FSTL5: variants seen among roughly 807,000 people sequenced by gnomAD.
FSTL5 encodes the protein follistatin like 5, also known as follistatin-related protein 5.
A neutral mutation model predicts 89.1 loss-of-function variants in FSTL5; 62 were observed. The ratio of observed to expected loss-of-function variants is 0.70; its 90% CI spans 0.57 to 0.86. FSTL5 has a LOEUF of 0.86. Ranked by LOEUF, FSTL5 falls within the 40% of genes least tolerant of loss-of-function variation. The pLI is 0.00. For synonymous variants in FSTL5, 383 were observed against 346.2 expected (o/e 1.11, Z -1.18); for missense variants, 1,057 against 1,001.6 (o/e 1.06, Z -0.75).
At chr4:161,613,912 T>A (rs528477979) in intron 7 of FSTL5, among the ~76,000 whole-genome samples, 1 of 152,016 alleles carries the variant, frequency 6.6e-6, no homozygotes, top group Non-Finnish European at 1.5e-5. Flanking sequence ...ATAGTTTAAT[T>A]ATATACATCA....
At chr4:161,448,912 T>C (rs1015278297) in intron 15 of FSTL5, among the ~76,000 whole-genome samples, 1 of 152,108 alleles carries the variant, frequency 6.6e-6, no homozygotes, top group Admixed American at 6.6e-5. Context: ...TGATTTACCC[T>C]AGGGTATTCA....
intron 10 of FSTL5, among the ~76,000 whole-genome samples, chr4:161,534,427 C>T (rs1731524125): frequency 1.3e-5 from 2 of 152,002 alleles, no homozygotes; most frequent in Non-Finnish European, 2.9e-5. Flanking sequence ...TTCTATATAC[C>T]AATTCCATTG....
intron 13 of FSTL5, among the ~76,000 whole-genome samples, chr4:161,465,114 C>G (rs1252797835): frequency 6.6e-6 from 1 of 152,106 alleles, no homozygotes. Context: ...TGTTACCTGA[C>G]CATCCAATAT....
intron 3 of FSTL5, among the ~76,000 whole-genome samples, chr4:162,031,318 G>T (rs1456750082): frequency 6.6e-6 from 1 of 152,096 alleles, no homozygotes; most frequent in East Asian, 1.9e-4. Flanking sequence ...GAACTTCAAA[G>T]AATTACTAGC....
At chr4:161,740,905 T>C (rs925159683) in intron 6 of FSTL5, among the ~76,000 whole-genome samples, 9 of 152,302 alleles carry the variant, frequency 5.9e-5, no homozygotes, top group African/African-American at 2.2e-4. Flanking sequence ...ATTCAGCATC[T>C]GGTGAGGGCC....
At chr4:162,040,460 T>C (rs1737907867) in intron 2 of FSTL5, among the ~76,000 whole-genome samples, 1 of 151,844 alleles carries the variant, frequency 6.6e-6, no homozygotes, top group Admixed American at 6.6e-5. Flanking sequence ...ACATATAGGT[T>C]CACACACACG....
rs536878434 is a variant in FSTL5, at chr4:161,408,793, T to C, written c.1842-22344A>G. Among the ~76,000 whole-genome samples, 191 of 152,274 alleles carry C rather than the reference T, an allele frequency of 1.3e-3. 1 individual carries two copies. Among genetic ancestry groups the C allele is most frequent in the African/African-American group, 4.5e-3 (188 of 41,568 alleles). On this transcript the variant is annotated intron_variant, in intron 15 of 15. Coordinates refer to ENST00000306100, the MANE Select transcript of FSTL5 (RefSeq NM_020116.5). ...GAATTGTATAATACAATCAGAAGTA[T>C]TAGCAGCGGAAGTTGAGGAAAGAAT...
intron 4 of FSTL5, among the ~76,000 whole-genome samples, chr4:161,891,255 G>A (rs1293358574): frequency 1.3e-5 from 2 of 151,870 alleles, no homozygotes; most frequent in African/African-American, 4.8e-5. Flanking sequence ...TCATTTCTGA[G>A]GAAATTTGCT....
chr4:161,946,986 C>T (rs1734753644), intron 3 of FSTL5, among the ~76,000 whole-genome samples: 1 of 152,018 alleles, frequency 6.6e-6, no homozygotes, highest in South Asian at 2.1e-4. Context: ...ATATTGAATA[C>T]CTTTAATGTA....
At chr4:161,660,284 A>G (rs933857989) in intron 6 of FSTL5, among the ~76,000 whole-genome samples, 1 of 152,182 alleles carries the variant, frequency 6.6e-6, no homozygotes, top group African/African-American at 2.4e-5. Context: ...TGGCTTAGAG[A>G]AAAACTAAGA....
intron 2 of FSTL5, among the ~76,000 whole-genome samples, chr4:162,054,962 TAGTC>T (rs1171159450): frequency 6.6e-6 from 1 of 151,920 alleles, no homozygotes; most frequent in Non-Finnish European, 1.5e-5. Context: ...TTAACACAGG[TAGTC>T]ACCAACTCAA....
chr4:162,052,025 T>C (rs1477034336), intron 2 of FSTL5, among the ~76,000 whole-genome samples: 2 of 151,406 alleles, frequency 1.3e-5, no homozygotes, highest in Non-Finnish European at 3.0e-5. Context: ...ATTAATAAAA[T>C]CTCATAGCCA....
chr4:162,119,131 G>A (rs1731760024), intron 1 of FSTL5, among the ~76,000 whole-genome samples: 1 of 151,940 alleles, frequency 6.6e-6, no homozygotes, highest in Admixed American at 6.6e-5. Flanking sequence ...GGAGACTTAG[G>A]TGGGTGGATT....
chr4:161,636,732 A>C (rs1380157762), intron 7 of FSTL5, among the ~76,000 whole-genome samples: 3 of 148,076 alleles, frequency 2.0e-5, no homozygotes, highest in Admixed American at 6.8e-5. Flanking sequence ...TTGTTCCTGC[A>C]ATAGTTTACT....
intron 6 of FSTL5, among the ~76,000 whole-genome samples, chr4:161,677,389 T>C (rs1348254326): frequency 3.3e-5 from 5 of 152,000 alleles, no homozygotes; most frequent in Non-Finnish European, 1.5e-5. Flanking sequence ...GAAAAATGCA[T>C]AATCTAAGAT....
chr4:161,680,816 A>T (rs1737493948), intron 6 of FSTL5, among the ~76,000 whole-genome samples: 1 of 152,026 alleles, frequency 6.6e-6, no homozygotes, highest in Non-Finnish European at 1.5e-5. Flanking sequence ...AACACCCAAT[A>T]ACAGTAGCAT....
In FSTL5 at chr4:161,820,968, C is replaced by G. The variant is rs191540796; in HGVS notation, c.410-44894G>C. 5.8e-3 allele frequency among the ~76,000 whole-genome samples: 860 copies of G among 148,044 alleles called. 10 individuals are homozygous for G. Among genetic ancestry groups the G allele is most frequent in the African/African-American group, 0.02 (810 of 40,668 alleles). Reference sequence around the variant, plus strand: ...CAAAAAAAAAAAAAACCACCAAACTCTTTACAAATAAAAAATGTATATATT... The same window carrying G: ...CAAAAAAAAAAAAAACCACCAAACTGTTTACAAATAAAAAATGTATATATT... On this transcript the variant is annotated intron_variant, in intron 4 of 15. Transcript: ENST00000306100.
chr4:161,931,894 A>C (rs1220888331), intron 3 of FSTL5, among the ~76,000 whole-genome samples: 5 of 151,982 alleles, frequency 3.3e-5, no homozygotes, highest in Non-Finnish European at 1.5e-5. Context: ...GCTATGGACT[A>C]AGATGGCATC....
chr4:161,650,265 T>C (rs1736291110), intron 7 of FSTL5, among the ~76,000 whole-genome samples: 1 of 152,198 alleles, frequency 6.6e-6, no homozygotes, highest in African/African-American at 2.4e-5. Context: ...AGCCACATTA[T>C]CATTCGTAGG....
Sources: allele counts gnomAD v4.1 joint callset (sites outside exome capture counted in the v4.1 genomes callset), GRCh38; gene constraint gnomAD v4.1.1; transcripts MANE v1.5; gene names NCBI Gene and HGNC (gene_info 2026-07-23, HGNC 2026-07-21).